Variants in KCNIP1 observed in about 807,000 individuals in gnomAD.
KCNIP1 encodes potassium voltage-gated channel interacting protein 1.
In KCNIP1, 18 loss-of-function variants were observed where a neutral mutation model predicts 33.0. That is an observed-to-expected ratio of 0.55 (90% CI 0.38 to 0.81). The LOEUF is 0.81. KCNIP1 is among the 30% of genes least tolerant of loss of function. The pLI is 0.00. For missense variants in KCNIP1, 238 were observed against 271.6 expected, an observed-to-expected ratio of 0.88 and a Z score of 0.87; for synonymous variants, 93 against 98.3, an observed-to-expected ratio of 0.95 and a Z score of 0.32.
intron 1 of KCNIP1, among the ~76,000 whole-genome samples, chr5:170,570,996 C>T (rs1581341049): frequency 6.6e-6 from 1 of 152,142 alleles, no homozygotes; most frequent in Admixed American, 6.5e-5. Context: ...GTCCCAAAGC[C>T]AATCAAAAAG....
chr5:170,447,298 C>T (rs1036778488), intron 1 of KCNIP1, among the ~76,000 whole-genome samples: 10 of 152,148 alleles, frequency 6.6e-5, no homozygotes, highest in African/African-American at 1.9e-4. Context: ...AACAGGACCA[C>T]GGGCACTCAC....
At chr5:170,698,869 G>T (rs897341489) in intron 1 of KCNIP1, among the ~76,000 whole-genome samples, 8 of 152,108 alleles carry the variant, frequency 5.3e-5, no homozygotes, top group Non-Finnish European at 1.2e-4. Context: ...CCATTTCCCA[G>T]ATGTTGAAAC....
At chr5:170,632,537 C>T (rs954831911) in intron 1 of KCNIP1, among the ~76,000 whole-genome samples, 9 of 152,232 alleles carry the variant, frequency 5.9e-5, no homozygotes, top group African/African-American at 1.7e-4. Context: ...GGCTCTGCTG[C>T]GTGGCCCTGG....
chr5:170,369,634 C>A (rs1397610386), intron 1 of KCNIP1, among the ~76,000 whole-genome samples: 1 of 152,224 alleles, frequency 6.6e-6, no homozygotes, highest in Non-Finnish European at 1.5e-5. Context: ...TCAAAGGGTT[C>A]AAGCTGTACT....
chr5:170,607,595 A>G (rs540790517), intron 1 of KCNIP1, among the ~76,000 whole-genome samples: 1 of 152,314 alleles, frequency 6.6e-6, no homozygotes, highest in East Asian at 1.9e-4. Context: ...TCTAAAGTTC[A>G]TGCTCATTCC....
At chr5:170,580,824 G>A (rs542503227) in intron 1 of KCNIP1, among the ~76,000 whole-genome samples, 21 of 151,268 alleles carry the variant, frequency 1.4e-4, no homozygotes, top group African/African-American at 5.1e-4. Flanking sequence ...CTAATGAGGT[G>A]AATTAATGCC....
At chr5:170,608,965 C>T (rs918888688) in intron 1 of KCNIP1, among the ~76,000 whole-genome samples, 1 of 152,104 alleles carries the variant, frequency 6.6e-6, no homozygotes, top group Non-Finnish European at 1.5e-5. Context: ...GCTCTGTCTA[C>T]CTGGATTTTG....
chr5:170,728,893 T>C lies in KCNIP1; in HGVS notation c.436-3907T>C, dbSNP rs1006649299. On this transcript the variant is annotated intron_variant, in intron 5 of 7. Coordinates refer to ENST00000328939, the MANE Select transcript of KCNIP1 (RefSeq NM_014592.4). ...TGGTGGGATTTGTTCTACCAGATACTGAAATATATTATAAAGCTGAAACTA... is the reference window on the plus strand; with the variant it reads ...TGGTGGGATTTGTTCTACCAGATACCGAAATATATTATAAAGCTGAAACTA... Among the ~76,000 whole-genome samples the C allele has an allele frequency of 2.0e-5, 3 of 152,036 alleles. No individual in the cohort carries two copies. In the East Asian group the frequency reaches 5.8e-4, roughly 29 times the overall value.
chr5:170,526,968 C>A (rs1262756503), intron 1 of KCNIP1, among the ~76,000 whole-genome samples: 3 of 152,132 alleles, frequency 2.0e-5, no homozygotes, highest in Non-Finnish European at 4.4e-5. Context: ...GGTGATCTGC[C>A]CACTTCTGCC....
chr5:170,714,521 A>G (rs1763576451), intron 1 of KCNIP1, among the ~76,000 whole-genome samples: 1 of 152,214 alleles, frequency 6.6e-6, no homozygotes, highest in African/African-American at 2.4e-5. Flanking sequence ...TGCTCTGCAT[A>G]ATGACGTTTC....
intron 1 of KCNIP1, among the ~76,000 whole-genome samples, chr5:170,381,100 C>T (rs970805610): frequency 6.6e-6 from 1 of 152,164 alleles, no homozygotes; most frequent in Non-Finnish European, 1.5e-5. Flanking sequence ...GGCTTCTGTC[C>T]ATCCTGGGCC....
chr5:170,397,516 T>C lies in KCNIP1; in HGVS notation c.88+43552T>C, dbSNP rs761881424. Among the ~76,000 whole-genome samples the C allele has an allele frequency of 1.2e-3, 184 of 148,270 alleles. 1 individual carries two copies. The highest frequency in any genetic ancestry group is 2.3e-3 in the Non-Finnish European group (156 of 66,870). On this transcript the variant is annotated intron_variant, in intron 1 of 7. Coordinates refer to the KCNIP1 transcript ENST00000377360. ...GGACTCCCTGCAAATCCCCCAGAAA[T>C]ATTTGTAGGGGTCTGAAAGGTATGT...
At chr5:170,664,571 A>C (rs1191913751) in intron 1 of KCNIP1, among the ~76,000 whole-genome samples, 1 of 152,074 alleles carries the variant, frequency 6.6e-6, no homozygotes, top group African/African-American at 2.4e-5. Context: ...TCAGCCTTTC[A>C]AAGTGCTAGG....
chr5:170,528,755 G>C (rs1430193083), intron 1 of KCNIP1, among the ~76,000 whole-genome samples: 1 of 152,180 alleles, frequency 6.6e-6, no homozygotes, highest in Non-Finnish European at 1.5e-5. Flanking sequence ...GAAATCTAAG[G>C]TTCTAAATGG....
chr5:170,450,342 C>T (rs1183819622), intron 1 of KCNIP1, among the ~76,000 whole-genome samples: 1 of 152,116 alleles, frequency 6.6e-6, no homozygotes, highest in African/African-American at 2.4e-5. Flanking sequence ...TTTTTTCATC[C>T]ATCACTCAGC....
chr5:170,717,996 G>A (rs1763692705), intron 1 of KCNIP1, among the ~76,000 whole-genome samples: 1 of 152,152 alleles, frequency 6.6e-6, no homozygotes, highest in Non-Finnish European at 1.5e-5. Flanking sequence ...CACGGACTTG[G>A]ACCTTGTGAT....
At chr5:170,518,120 G>A (rs1386872382) in intron 1 of KCNIP1, among the ~76,000 whole-genome samples, 1 of 151,050 alleles carries the variant, frequency 6.6e-6, no homozygotes, top group East Asian at 1.9e-4. Context: ...GGTGGTGATG[G>A]TGGCAGTGGT....
At chr5:170,550,582 A>G (rs1421765269) in intron 1 of KCNIP1, among the ~76,000 whole-genome samples, 1 of 151,744 alleles carries the variant, frequency 6.6e-6, no homozygotes, top group Non-Finnish European at 1.5e-5. Flanking sequence ...GATGGTGATG[A>G]TGATGGCAAT....
intron 1 of KCNIP1, among the ~76,000 whole-genome samples, chr5:170,624,091 T>C (rs1336582601): frequency 4.6e-5 from 7 of 152,272 alleles, no homozygotes; most frequent in Non-Finnish European, 1.0e-4. Context: ...CCAGGTTTTC[T>C]GGGCTACTTT....
Sources: allele counts gnomAD v4.1 joint callset (sites outside exome capture counted in the v4.1 genomes callset), GRCh38; gene constraint gnomAD v4.1.1; transcripts MANE v1.5; gene names NCBI Gene and HGNC (gene_info 2026-07-23, HGNC 2026-07-21).